CSMD1: variants seen among roughly 807,000 people sequenced by gnomAD.
CSMD1 encodes CUB and Sushi multiple domains 1.
A neutral mutation model predicts 417.5 loss-of-function variants in CSMD1; 213 were observed. The observed-to-expected ratio is 0.51, with a 90% confidence interval of 0.46 to 0.57. The LOEUF (loss-of-function observed/expected upper bound fraction) is 0.57. Ranked by LOEUF, CSMD1 falls within the 20% of genes least tolerant of loss-of-function variation. The probability of loss-of-function intolerance (pLI) is 0.00; values close to 1 mark genes in which losing one functional copy is unlikely to be tolerated. For synonymous variants in CSMD1, 2,862 were observed against 1,736.8 expected (o/e 1.65, Z -16.11); for missense variants, 6,923 against 4,529.7 (o/e 1.53, Z -15.17).
chr8:4,010,620 T>A (rs539498808), intron 4 of CSMD1, among the ~76,000 whole-genome samples: 2 of 152,144 alleles, frequency 1.3e-5, no homozygotes, highest in East Asian at 3.9e-4. Flanking sequence ...CCATACCAGG[T>A]CACTTACCCA....
intron 26 of CSMD1, chr8:3,278,895 G>C (rs1802516679): frequency 6.6e-6 from 1 of 152,176 alleles, no homozygotes; most frequent in African/African-American, 2.4e-5. Flanking sequence ...TAACAGCCCA[G>C]TTTCTTCCTG....
At chr8:4,987,184 C>T (rs1174882345) in intron 1 of CSMD1, among the ~76,000 whole-genome samples, 1 of 152,134 alleles carries the variant, frequency 6.6e-6, no homozygotes, top group Non-Finnish European at 1.5e-5. Context: ...TAGATTTCTA[C>T]CTCCATCCAA....
At chr8:4,747,061 C>G (rs532222292) in intron 1 of CSMD1, among the ~76,000 whole-genome samples, 2 of 152,140 alleles carry the variant, frequency 1.3e-5, no homozygotes, top group African/African-American at 4.8e-5. Context: ...GAATGGATCA[C>G]CATCCTCTGG....
chr8:4,445,945 T>C (rs895361114), intron 2 of CSMD1, among the ~76,000 whole-genome samples: 3 of 152,114 alleles, frequency 2.0e-5, no homozygotes, highest in Non-Finnish European at 2.9e-5. Context: ...AGAAAAAGTA[T>C]TTCGGTGTTG....
chr8:4,560,786 C>G (rs1015918760), intron 2 of CSMD1, among the ~76,000 whole-genome samples: 1 of 152,176 alleles, frequency 6.6e-6, no homozygotes, highest in Non-Finnish European at 1.5e-5. Context: ...TGCACTGTAG[C>G]CTGAAGACTT....
intron 2 of CSMD1, among the ~76,000 whole-genome samples, chr8:4,514,971 G>A (rs1054106144): frequency 1.3e-5 from 2 of 152,120 alleles, no homozygotes; most frequent in Non-Finnish European, 2.9e-5. Flanking sequence ...GGCCTTTTAA[G>A]CCTCAGTGGA....
chr8:3,268,178 T>A (rs538423105), intron 26 of CSMD1, among the ~76,000 whole-genome samples: 9 of 151,844 alleles, frequency 5.9e-5, no homozygotes, highest in Admixed American at 5.9e-4. Flanking sequence ...AATGAGTGAA[T>A]ATCGAATGGT....
chr8:3,328,688 G>T (rs372443283), intron 23 of CSMD1, among the ~76,000 whole-genome samples: 1 of 152,080 alleles, frequency 6.6e-6, no homozygotes, highest in Non-Finnish European at 1.5e-5. Flanking sequence ...CACAAAATAC[G>T]TTGGCAGAGG....
rs184115065 is a variant in CSMD1, at chr8:4,120,433, C to A, written c.416-88334G>T. Among the ~76,000 whole-genome samples the A allele has an allele frequency of 7.8e-3, 1,193 of 152,270 alleles. 6 individuals are homozygous for A. Among genetic ancestry groups the A allele is most frequent in the Middle Eastern group, 0.014 (4 of 294 alleles). On this transcript the variant is annotated intron_variant, in intron 3 of 69. Coordinates refer to ENST00000635120, the MANE Select transcript of CSMD1 (RefSeq NM_033225.6). ...ATTGTTTGTTGAGTTTTCTCTCCTTCCTCCTCCTCTCTGTCTCATCCCTGC... is the reference window on the plus strand; with the variant it reads ...ATTGTTTGTTGAGTTTTCTCTCCTTACTCCTCCTCTCTGTCTCATCCCTGC...
intron 5 of CSMD1, among the ~76,000 whole-genome samples, chr8:3,845,687 C>T (rs969718881): frequency 6.6e-6 from 1 of 152,118 alleles, no homozygotes; most frequent in African/African-American, 2.4e-5. Flanking sequence ...CTTTAGCTTA[C>T]TGTAACATTT....
chr8:3,673,119 TA>T (rs1799167073), intron 7 of CSMD1, among the ~76,000 whole-genome samples: 1 of 152,196 alleles, frequency 6.6e-6, no homozygotes, highest in African/African-American at 2.4e-5. Context: ...ATGAATCAAT[TA>T]ATACAGAGTA....
At chr8:3,954,396 T>TCTG (rs1811795387) in intron 5 of CSMD1, among the ~76,000 whole-genome samples, 1 of 152,140 alleles carries the variant, frequency 6.6e-6, no homozygotes, top group Admixed American at 6.5e-5. Flanking sequence ...GGAGTCTCGC[T>TCTG]CTGCTGCCCA....
chr8:3,694,206 G>A (rs1212263376), intron 7 of CSMD1, among the ~76,000 whole-genome samples: 1 of 152,062 alleles, frequency 6.6e-6, no homozygotes, highest in Admixed American at 6.6e-5. Flanking sequence ...AGATGGGGCA[G>A]GGACCTCTGA....
rs375639397 is a variant in CSMD1, at chr8:4,441,761, A to AT, written c.303-21697dup. Among the ~76,000 whole-genome samples, 49 of 152,316 alleles carry AT rather than the reference A, an allele frequency of 3.2e-4. 1 individual carries two copies. The highest frequency in any genetic ancestry group is 3.4e-3 in the Middle Eastern group (1 of 294). On this transcript the variant is annotated intron_variant, in intron 2 of 69. Coordinates refer to ENST00000635120, the MANE Select transcript of CSMD1 (RefSeq NM_033225.6). ...TTACTTAAATATTGCATTGCAGTCC[A>AT]TTTGACTGACTAATCTTGGGTGTAT...
chr8:3,394,023 TATATATATATATATATATATA>T lies in CSMD1; in HGVS notation c.2593+2150_2593+2170del, dbSNP rs1811529065. ...AATAAAAAAATAAATTATATATATA[TATATATATATATATATATATA>T]TATATATATATAGAAAAAAAGAAAA... On this transcript the variant is annotated intron_variant, in intron 17 of 69. Coordinates refer to ENST00000635120, the MANE Select transcript of CSMD1 (RefSeq NM_033225.6). 3.1e-5 allele frequency among the ~76,000 whole-genome samples: 3 copies of T among 96,120 alleles called. No homozygotes were observed. The Admixed American group carries it at 3.5e-4, about 11-fold the overall frequency. 63.1% of individuals were successfully genotyped at this position (96,120 alleles called of 152,430 possible). A position where few individuals can be genotyped will look rare whatever the true frequency, so the allele number is the denominator to read the frequency against.
chr8:4,639,428 C>A (rs981709278), intron 1 of CSMD1, among the ~76,000 whole-genome samples: 1 of 152,062 alleles, frequency 6.6e-6, no homozygotes, highest in East Asian at 1.9e-4. Context: ...ATATTACTAT[C>A]CTGTAAGGGA....
intron 2 of CSMD1, among the ~76,000 whole-genome samples, chr8:4,520,099 A>C (rs1443997881): frequency 6.6e-6 from 1 of 152,112 alleles, no homozygotes; most frequent in Non-Finnish European, 1.5e-5. Flanking sequence ...TTTAGTCATG[A>C]TGTTCTGGTT....
intron 1 of CSMD1, among the ~76,000 whole-genome samples, chr8:4,951,107 G>T (rs577490859): frequency 1.3e-5 from 2 of 152,024 alleles, no homozygotes; most frequent in Non-Finnish European, 1.5e-5. Context: ...TGAAAAAAAT[G>T]TCCATCTTTC....
At chr8:3,262,184 AATATATATATATATATATAT>A (rs201972449) in intron 26 of CSMD1, among the ~76,000 whole-genome samples, 852 of 63,170 alleles carry the variant, frequency 0.013, 20 homozygotes, top group Middle Eastern at 0.019. Flanking sequence ...TGCTCATATG[AATATATATATATATATATAT>A]ATATATATAT....
Sources: allele counts gnomAD v4.1 joint callset (sites outside exome capture counted in the v4.1 genomes callset), GRCh38; gene constraint gnomAD v4.1.1; transcripts MANE v1.5; gene names NCBI Gene and HGNC (gene_info 2026-07-23, HGNC 2026-07-21).